VPS4B: variants seen among roughly 807,000 people sequenced by gnomAD.
VPS4B encodes the protein vacuolar protein sorting-associated protein 4B.
In VPS4B, 23 loss-of-function variants were observed where a neutral mutation model predicts 56.1. The ratio of observed to expected loss-of-function variants is 0.41; its 90% CI spans 0.30 to 0.58. The LOEUF (loss-of-function observed/expected upper bound fraction) is 0.58. VPS4B is among the 20% of genes least tolerant of loss of function. The pLI is 0.29. For synonymous variants in VPS4B, 177 were observed against 186.0 expected, an observed-to-expected ratio of 0.95 and a Z score of 0.39; for missense variants, 372 against 531.9, an observed-to-expected ratio of 0.70 and a Z score of 2.96.
intron 8 of VPS4B, 122 bp downstream of exon 8, chr18:63,399,120 T>A: frequency 4.9e-6 from 4 of 819,844 alleles, no homozygotes; most frequent in Non-Finnish European, 7.8e-6. Flanking sequence ...AGCAACAGGG[T>A]TAGAGCACAT....
intron 7 of VPS4B, 57 bp downstream of exon 7, chr18:63,399,991 C>A: frequency 6.5e-7 from 1 of 1,544,586 alleles, no homozygotes; most frequent in East Asian, 2.3e-5. Context: ...TGCACTCCAG[C>A]CTGGGCGACA....
At chr18:63,414,725 G>A (rs1324022377) in intron 1 of VPS4B, among the ~76,000 whole-genome samples, 4 of 152,166 alleles carry the variant, frequency 2.6e-5, no homozygotes, top group Admixed American at 6.5e-5. Context: ...GTGAGCCACC[G>A]TGCCTGGCCT....
At chr18:63,401,383 T>C (rs1915803026) in intron 5 of VPS4B, among the ~76,000 whole-genome samples, 1 of 152,090 alleles carries the variant, frequency 6.6e-6, no homozygotes, top group African/African-American at 2.4e-5. Flanking sequence ...GCCTCCCAGG[T>C]AGCTGAGATT....
chr18:63,412,242 G>A (rs1328765698), intron 1 of VPS4B, among the ~76,000 whole-genome samples: 2 of 152,150 alleles, frequency 1.3e-5, no homozygotes, highest in East Asian at 3.8e-4. Context: ...AATATGGAAA[G>A]TGTTAATAAT....
At chr18:63,421,054 A>G (rs971103418) in intron 1 of VPS4B, among the ~76,000 whole-genome samples, 1 of 151,142 alleles carries the variant, frequency 6.6e-6, no homozygotes, top group Admixed American at 6.6e-5. Flanking sequence ...AAAAAAAAAA[A>G]GAAAGAAAAG....
chr18:63,390,323 C>T lies in VPS4B; in HGVS notation c.*652G>A, dbSNP rs779777861. 2 of 152,544 alleles carry T rather than the reference C, an allele frequency of 1.3e-5. No individual in the cohort carries two copies. Among genetic ancestry groups the T allele is most frequent in the South Asian group, 4.1e-4 (2 of 4,832 alleles). The allele number at this position is 152,544 out of a possible 1,614,324, so 9.4% of individuals were successfully genotyped here. On this transcript the variant is annotated 3_prime_UTR_variant, in exon 11 of 11. Coordinates refer to ENST00000238497, the MANE Select transcript of VPS4B (RefSeq NM_004869.4). The stretch of plus-strand genomic sequence containing the variant: ...TCCTGACCTCAGGTGATCCACCCAT[C>T]GTAGCCTCCCAAAGTGCTGGGATTA...
At chr18:63,421,132 T>C (rs774980725) in intron 1 of VPS4B, among the ~76,000 whole-genome samples, 3 of 152,064 alleles carry the variant, frequency 2.0e-5, no homozygotes, top group Non-Finnish European at 4.4e-5. Flanking sequence ...GTTGCAATTA[T>C]ACAATTATAA....
chr18:63,420,739 C>T (rs1916278524), intron 1 of VPS4B, among the ~76,000 whole-genome samples: 1 of 151,956 alleles, frequency 6.6e-6, no homozygotes, highest in Non-Finnish European at 1.5e-5. Flanking sequence ...TTAATACAAC[C>T]TTGGTGAAAA....
At chr18:63,399,344 C>T (rs755420744) in intron 7 of VPS4B, 21 bp from the exon 8 acceptor site, 3 of 1,600,738 alleles carry the variant, frequency 1.9e-6, no homozygotes, top group Non-Finnish European at 2.6e-6. Context: ...ATAGGTAATG[C>T]TTTAATTAAT....
In VPS4B at chr18:63,410,466, G is replaced by T. The variant is rs770235862; in HGVS notation, c.140-20C>A. The T allele has an allele frequency of 6.2e-7, 1 of 1,606,918 alleles. No individual in the cohort carries two copies. The highest frequency in any genetic ancestry group is 1.1e-5 in the South Asian group (1 of 89,796). Reference sequence around the variant, plus strand: ...CTTCATCTATTAAAGGGAAATGAGAGAGATTTTTTTCCATTAGTATTCTAT... The same window carrying T: ...CTTCATCTATTAAAGGGAAATGAGATAGATTTTTTTCCATTAGTATTCTAT... On this transcript the variant is annotated intron_variant, in intron 2 of 10. Transcript: ENST00000238497.
At chr18:63,405,958 C>A (rs1195093582) in intron 4 of VPS4B, among the ~76,000 whole-genome samples, 1 of 151,944 alleles carries the variant, frequency 6.6e-6, no homozygotes, top group Non-Finnish European at 1.5e-5. Context: ...TGCACTCCAG[C>A]CTGGGCAACA....
At chr18:63,402,428 T>G (rs1159336302) in intron 5 of VPS4B, among the ~76,000 whole-genome samples, 1 of 152,200 alleles carries the variant, frequency 6.6e-6, no homozygotes, top group Non-Finnish European at 1.5e-5. Flanking sequence ...GGCAGAAGGC[T>G]CCTGCCAGGT....
At chr18:63,411,005 A>G (rs956304231) in intron 2 of VPS4B, among the ~76,000 whole-genome samples, 15 of 152,236 alleles carry the variant, frequency 9.9e-5, no homozygotes, top group African/African-American at 2.9e-4. Flanking sequence ...CACATAGCTT[A>G]CAGGTTATGA....
chr18:63,394,223 AG>A (rs1050245913), intron 9 of VPS4B, among the ~76,000 whole-genome samples: 2 of 152,228 alleles, frequency 1.3e-5, no homozygotes, highest in African/African-American at 2.4e-5. Flanking sequence ...AAAAATTCTC[AG>A]AAGTTGCTCT....
At chr18:63,400,270 C>T (rs1261697773) in intron 6 of VPS4B, 74 bp from the exon 7 acceptor site, 20 of 1,419,862 alleles carry the variant, frequency 1.4e-5, no homozygotes, top group Non-Finnish European at 1.9e-5. Flanking sequence ...ATCAATATTA[C>T]AAGAACTCTG....
At chr18:63,412,652 T>C (rs1353275577) in intron 1 of VPS4B, among the ~76,000 whole-genome samples, 5 of 152,148 alleles carry the variant, frequency 3.3e-5, no homozygotes, top group Non-Finnish European at 7.3e-5. Context: ...AACTCAAAAA[T>C]GGATCATAGA....
Position 63,399,319 on chromosome 18 carries a change from A to G in VPS4B, c.795T>C (p.Val265=). ...CCAAAATTCCATCATTGTCTACACC[A>G]ACCCCTGCATTAAAATAGGTAATGC... ...KTEFLVQMQG[V]GVDNDGILVL... is the part of the protein sequence containing the mutation. The change falls in exon 8 of 11, where the codon GTT becomes GTC. Residue 265 remains valine, a synonymous_variant. Coordinates refer to ENST00000238497, the MANE Select transcript of VPS4B (RefSeq NM_004869.4). The G allele has an allele frequency of 6.2e-7, 1 of 1,613,762 alleles. No individual in the cohort carries two copies. Among genetic ancestry groups the G allele is most frequent in the Non-Finnish European group, 8.5e-7 (1 of 1,179,724 alleles).
At chr18:63,417,937 T>G (rs1916205384) in intron 1 of VPS4B, among the ~76,000 whole-genome samples, 1 of 152,140 alleles carries the variant, frequency 6.6e-6, no homozygotes, top group Non-Finnish European at 1.5e-5. Flanking sequence ...TGGGGTAAAT[T>G]CTACAATTAC....
At chr18:63,413,215 T>G (rs1916084545) in intron 1 of VPS4B, among the ~76,000 whole-genome samples, 1 of 152,176 alleles carries the variant, frequency 6.6e-6, no homozygotes. Flanking sequence ...TTGTCCCAGT[T>G]CTACAAGATG....
Sources: allele counts gnomAD v4.1 joint callset (sites outside exome capture counted in the v4.1 genomes callset), GRCh38; gene constraint gnomAD v4.1.1; transcripts MANE v1.5; gene names NCBI Gene and HGNC (gene_info 2026-07-23, HGNC 2026-07-21).